The following CLUL1 variants were observed in gnomAD, a reference collection of about 807,000 sequenced individuals.
CLUL1 encodes clusterin-like protein 1.
CLUL1 carries 43 observed loss-of-function variants against 49.4 expected under a neutral mutation model. The ratio of observed to expected loss-of-function variants is 0.87; its 90% CI spans 0.68 to 1.12. CLUL1 has a LOEUF of 1.12. CLUL1 is among the 50% of genes most tolerant of loss of function. The pLI is 0.00. For missense variants in CLUL1, 486 were observed against 544.4 expected, an observed-to-expected ratio of 0.89 and a Z score of 1.07; for synonymous variants, 192 against 184.9, an observed-to-expected ratio of 1.04 and a Z score of -0.31.
At position 644,986 on chromosome 18, in the gene CLUL1, C is replaced by T. The variant is rs1432454641; in HGVS notation, c.1286C>T (p.Ser429Phe). ...TMMTDLSILP[S>F]SNFTLKIPLE... ...ATGACAGACTTAAGCATTCTGCCTTCCTCTAATTTCACACTCAAGATCCCT... is the reference window on the plus strand; with the variant it reads ...ATGACAGACTTAAGCATTCTGCCTTTCTCTAATTTCACACTCAAGATCCCT... The change falls in exon 9 of 10, where the codon TCC (serine) becomes TTC (phenylalanine). Residue 429 changes from serine (S) to phenylalanine (F), a missense_variant. Transcript: ENST00000692774. The T allele has an allele frequency of 1.2e-6, 2 of 1,613,704 alleles. No individual in the cohort carries two copies. The highest frequency in any genetic ancestry group is 2.2e-5 in the South Asian group (2 of 90,986).
chr18:615,067 T>C (rs550710332), intron 2 of CLUL1, among the ~76,000 whole-genome samples: 1 of 152,370 alleles, frequency 6.6e-6, no homozygotes, highest in East Asian at 1.9e-4. Flanking sequence ...CTTGCCATCT[T>C]TCTTAATTAA....
intron 7 of CLUL1, among the ~76,000 whole-genome samples, chr18:635,112 AT>A (rs1457899292): frequency 1.3e-5 from 2 of 152,162 alleles, no homozygotes; most frequent in African/African-American, 4.8e-5. Context: ...CAGTTGAGTA[AT>A]TTGTAAATAA....
intron 8 of CLUL1, among the ~76,000 whole-genome samples, chr18:643,817 A>C (rs190737777): frequency 2.6e-4 from 39 of 152,352 alleles, no homozygotes; most frequent in African/African-American, 7.7e-4. Flanking sequence ...CCTATAAAGG[A>C]AGTAGAATTC....
chr18:645,141 G>T, intron 9 of CLUL1, 44 bp downstream of exon 9: 1 of 1,409,956 alleles, frequency 7.1e-7, no homozygotes, highest in Non-Finnish European at 9.4e-7. Flanking sequence ...GACAGGAATA[G>T]TTAATTCTCA....
chr18:605,944 C>T (rs554090057), intron 1 of CLUL1, among the ~76,000 whole-genome samples: 116 of 152,258 alleles, frequency 7.6e-4, no homozygotes, highest in African/African-American at 2.6e-3. Context: ...GGATTGCAGG[C>T]GTGAGCCACC....
At chr18:630,601 C>T (rs115306059) in intron 6 of CLUL1, among the ~76,000 whole-genome samples, 1,542 of 149,306 alleles carry the variant, frequency 0.01, 23 homozygotes, top group African/African-American at 0.036. Context: ...TAGGTGGCCT[C>T]GAGGAACTGG....
Position 641,353 on chromosome 18 carries a change from A to T in CLUL1, c.1021A>T (p.Thr341Ser). The T allele has an allele frequency of 6.2e-7, 1 of 1,614,160 alleles. No individual in the cohort carries two copies. The highest frequency in any genetic ancestry group is 8.5e-7 in the Non-Finnish European group (1 of 1,180,026). Residue 341 changes from threonine to serine, a missense_variant, in exon 8 of 10, where the codon ACA (threonine) becomes TCA (serine). By Grantham distance (58) the Thr-to-Ser change is moderately conservative. Coordinates refer to ENST00000692774, the MANE Select transcript of CLUL1 (RefSeq NM_001393344.1). ...EDCPDVPALHTELDEAIRLVN... is the reference protein window; with the variant it reads ...EDCPDVPALHSELDEAIRLVN... ...CTGTCCTGATGTACCTGCTCTGCAC[A>T]CAGAATTAGACGAGGCGATCAGGTT...
intron 6 of CLUL1, among the ~76,000 whole-genome samples, chr18:631,743 G>C (rs1357959261): frequency 2.0e-5 from 3 of 152,104 alleles, no homozygotes; most frequent in Non-Finnish European, 1.5e-5. Flanking sequence ...CCATATTGTG[G>C]GTAAAATGGC....
chr18:599,640 T>G lies in CLUL1; in HGVS notation c.-136+2511T>G, dbSNP rs115799021. On this transcript the variant is annotated intron_variant, in intron 1 of 9. Coordinates refer to ENST00000692774, the MANE Select transcript of CLUL1 (RefSeq NM_001393344.1). Reference sequence around the variant, plus strand: ...CAACGACTGTCATAAAGATAAAAATTAATAATAATTGGCCAGGTGCGGTGG... The same window carrying G: ...CAACGACTGTCATAAAGATAAAAATGAATAATAATTGGCCAGGTGCGGTGG... Among the ~76,000 whole-genome samples the G allele has an allele frequency of 3.8e-3, 585 of 152,242 alleles. 3 individuals are homozygous for G. Among genetic ancestry groups the G allele is most frequent in the African/African-American group, 0.013 (549 of 41,542 alleles).
Position 624,910 on chromosome 18 carries a change from GAAGA to G in CLUL1, c.305_308del (p.Glu102GlyfsTer23). On this transcript the variant is annotated frameshift_variant, in exon 5 of 10. Transcript: ENST00000692774. LOFTEE classifies it high-confidence loss of function. ...TGAAGTTCAAGAACATCTGGAGGAA[GAAGA>G]AAGGCTATGCCGGGAGTCTTTGGCA... The G allele has an allele frequency of 6.2e-7, 1 of 1,614,202 alleles. No individual in the cohort carries two copies.
At chr18:623,415 T>C (rs1598423517) in intron 4 of CLUL1, among the ~76,000 whole-genome samples, 1 of 152,150 alleles carries the variant, frequency 6.6e-6, no homozygotes, top group East Asian at 1.9e-4. Flanking sequence ...GAGGTCAACC[T>C]GGGCAGATCA....
intron 7 of CLUL1, among the ~76,000 whole-genome samples, chr18:640,878 T>G (rs548561748): frequency 6.6e-6 from 1 of 152,336 alleles, no homozygotes; most frequent in Admixed American, 6.5e-5. Context: ...ACTTTTGGTC[T>G]TAATTTAAAG....
intron 1 of CLUL1, among the ~76,000 whole-genome samples, chr18:600,551 T>G (rs1429146431): frequency 6.6e-6 from 1 of 152,036 alleles, no homozygotes; most frequent in Non-Finnish European, 1.5e-5. Context: ...CTTGGCGAGG[T>G]GTTTGGAAAT....
At chr18:627,558 G>A (rs750132576) in intron 6 of CLUL1, 29 bp downstream of exon 6, 1 of 1,509,596 alleles carries the variant, frequency 6.6e-7, no homozygotes, top group East Asian at 2.3e-5. Flanking sequence ...CTTTTACTTA[G>A]AGGTTTACAC....
rs982036124 is a variant in CLUL1 at position 633,528 on chromosome 18, A to C, written c.994+93A>C. Reference sequence around the variant, plus strand: ...GGTGCCACAAAAGAAATAGCACTCGAATATAAAATTTTCTTTTTAATTCTC... The same window carrying C: ...GGTGCCACAAAAGAAATAGCACTCGCATATAAAATTTTCTTTTTAATTCTC... On this transcript the variant is annotated intron_variant, in intron 7 of 9. Transcript: ENST00000692774. The C allele has an allele frequency of 2.4e-5, 27 of 1,137,068 alleles. No homozygotes were observed. The African/African-American group carries it at 4.1e-4, about 17-fold the overall frequency. The allele number at this position is 1,137,068 out of a possible 1,614,324, so 70.4% of individuals were successfully genotyped here.
Position 645,805 on chromosome 18 carries a change from AAAAAAATATATATATATATATAT to A in CLUL1, c.1397+710_1397+732del, listed in dbSNP as rs1356180771. 1.6e-4 allele frequency among the ~76,000 whole-genome samples: 8 copies of A among 51,422 alleles called. 2 individuals are homozygous for A. The highest frequency in any genetic ancestry group is 4.6e-4 in the African/African-American group (6 of 13,152). The allele number at this position is 51,422 out of a possible 152,430, so 33.7% of individuals were successfully genotyped here. A position where few individuals can be genotyped will look rare whatever the true frequency, so the allele number is the denominator to read the frequency against. On this transcript the variant is annotated intron_variant, in intron 9 of 9. Transcript: ENST00000692774. ...CGAGACTCTGTTTAAAAAAAAAAAA[AAAAAAATATATATATATATATAT>A]ATATATATATATATATATATATATG...
At chr18:619,117 A>T (rs931637906) in intron 3 of CLUL1, 96 bp from the exon 4 acceptor site, 7 of 1,197,626 alleles carry the variant, frequency 5.8e-6, no homozygotes, top group Non-Finnish European at 7.1e-6. Context: ...ATAAGAGAAC[A>T]ATTAAGCCTC....
At chr18:643,955 C>T (rs558975047) in intron 8 of CLUL1, among the ~76,000 whole-genome samples, 29 of 152,210 alleles carry the variant, frequency 1.9e-4, no homozygotes, top group Non-Finnish European at 2.4e-4. Flanking sequence ...AACGTAACCA[C>T]TTTGCTAAAC....
chr18:611,352 G>A (rs1053597815), intron 2 of CLUL1, among the ~76,000 whole-genome samples: 3 of 151,216 alleles, frequency 2.0e-5, no homozygotes, highest in African/African-American at 4.9e-5. Flanking sequence ...AAAGAAGATC[G>A]AGAGGTTGAA....
Sources: gnomAD v4.1 joint callset for allele counts (sites outside exome capture counted in the v4.1 genomes callset) on GRCh38, gnomAD v4.1.1 for gene constraint, MANE v1.5 for transcripts, NCBI Gene and HGNC (gene_info 2026-07-23, HGNC 2026-07-21) for gene names.